The following ROBO2 variants were observed in gnomAD, a reference collection of about 807,000 sequenced individuals.
The protein encoded by ROBO2 is roundabout guidance receptor 2, also known as roundabout homolog 2.
Under a neutral mutation model 160.8 loss-of-function variants are expected in ROBO2, and 53 were observed. The observed-to-expected ratio is 0.33, with a 90% confidence interval of 0.26 to 0.41. The LOEUF (loss-of-function observed/expected upper bound fraction) is 0.41, where lower values mean the gene tolerates loss of function less well. Among genes scored for constraint, ROBO2 ranks in the 10% least tolerant of loss-of-function variants. The pLI is 1.00. For missense variants in ROBO2, 1,577 were observed against 1,722.4 expected, an observed-to-expected ratio of 0.92 and a Z score of 1.49; for synonymous variants, 664 against 611.7, an observed-to-expected ratio of 1.09 and a Z score of -1.26.
intron 4 of ROBO2, 83 bp from the exon 5 acceptor site, chr3:77,493,161 T>A: frequency 6.8e-7 from 1 of 1,474,904 alleles, no homozygotes; most frequent in South Asian, 1.1e-5. Flanking sequence ...GTAAATTAGG[T>A]TTCCTTTGCT....
chr3:76,953,616 C>G (rs1274891662), intron 2 of ROBO2, among the ~76,000 whole-genome samples: 2 of 152,156 alleles, frequency 1.3e-5, no homozygotes, highest in Non-Finnish European at 2.9e-5. Flanking sequence ...CTTTGGAGAT[C>G]ATCTTTGGCA....
At chr3:76,226,507 C>A (rs1704295252) in intron 2 of ROBO2, among the ~76,000 whole-genome samples, 1 of 152,124 alleles carries the variant, frequency 6.6e-6, no homozygotes, top group African/African-American at 2.4e-5. Context: ...GTAAGGAGAA[C>A]TACGTGTTCT....
chr3:75,948,606 C>T (rs1948415575), intron 2 of ROBO2, among the ~76,000 whole-genome samples: 1 of 152,038 alleles, frequency 6.6e-6, no homozygotes, highest in Non-Finnish European at 1.5e-5. Context: ...CTGTAAGAGA[C>T]ATGCTACTCC....
chr3:77,039,635 C>T (rs898238105), upstream of ROBO2, among the ~76,000 whole-genome samples: 2 of 152,100 alleles, frequency 1.3e-5, no homozygotes, highest in African/African-American at 4.8e-5. Context: ...ATTTGTTCAT[C>T]TCCGTCCCCC....
intron 2 of ROBO2, among the ~76,000 whole-genome samples, chr3:76,648,129 G>C (rs1246088022): frequency 6.6e-6 from 1 of 151,508 alleles, no homozygotes; most frequent in East Asian, 1.9e-4. Flanking sequence ...GTACATTGTT[G>C]CTTATTTCTA....
intron 2 of ROBO2, among the ~76,000 whole-genome samples, chr3:76,709,496 C>T (rs1482588646): frequency 1.3e-5 from 2 of 152,086 alleles, no homozygotes; most frequent in African/African-American, 2.4e-5. Context: ...ATCTCACCGG[C>T]CAGAACTGTG....
intron 2 of ROBO2, among the ~76,000 whole-genome samples, chr3:76,325,400 G>C (rs1036962649): frequency 6.6e-6 from 1 of 152,126 alleles, no homozygotes; most frequent in Non-Finnish European, 1.5e-5. Context: ...TAAATAAGTT[G>C]ATAAAAGGAA....
At chr3:77,125,549 T>G (rs7636182) in intron 2 of ROBO2, among the ~76,000 whole-genome samples, 60,131 of 151,958 alleles carry the variant, frequency 0.4, 12,323 homozygotes, top group Middle Eastern at 0.48. Context: ...AAAAGATTGA[T>G]CAGTGAAAGA....
At chr3:76,452,238 A>G (rs2077511698) in intron 2 of ROBO2, among the ~76,000 whole-genome samples, 1 of 152,102 alleles carries the variant, frequency 6.6e-6, no homozygotes, top group Non-Finnish European at 1.5e-5. Flanking sequence ...TAGGTTACTT[A>G]CATATGTATA....
At chr3:76,513,005 C>G (rs1160047779) in intron 2 of ROBO2, among the ~76,000 whole-genome samples, 1 of 152,060 alleles carries the variant, frequency 6.6e-6, no homozygotes, top group Admixed American at 6.6e-5. Flanking sequence ...CCCAGAAATA[C>G]ATAACACAGT....
intron 2 of ROBO2, among the ~76,000 whole-genome samples, chr3:76,644,241 G>A (rs2090851405): frequency 6.6e-6 from 1 of 152,088 alleles, no homozygotes; most frequent in South Asian, 2.1e-4. Flanking sequence ...TGCCATGACT[G>A]AAACTATCCA....
intron 2 of ROBO2, among the ~76,000 whole-genome samples, chr3:76,137,684 G>C (rs749966229): frequency 1.3e-5 from 2 of 151,680 alleles, no homozygotes; most frequent in Non-Finnish European, 2.9e-5. Flanking sequence ...TCTTTCTGGA[G>C]AATATAGGAC....
At chr3:76,959,278 C>T (rs767257520) in intron 2 of ROBO2, among the ~76,000 whole-genome samples, 1 of 152,146 alleles carries the variant, frequency 6.6e-6, no homozygotes, top group Admixed American at 6.5e-5. Context: ...GTTCAAATCG[C>T]CCTTTGTGGA....
intron 2 of ROBO2, among the ~76,000 whole-genome samples, chr3:76,362,798 G>C (rs2075597051): frequency 6.6e-6 from 1 of 151,996 alleles, no homozygotes; most frequent in African/African-American, 2.4e-5. Context: ...TATGTAGCCA[G>C]AGTGAGGAAG....
At chr3:76,493,564 T>G (rs1015532395) in intron 2 of ROBO2, among the ~76,000 whole-genome samples, 1 of 151,930 alleles carries the variant, frequency 6.6e-6, no homozygotes, top group African/African-American at 2.4e-5. Context: ...TATTTTTTCC[T>G]ATATGTTTCC....
intron 2 of ROBO2, among the ~76,000 whole-genome samples, chr3:76,002,639 G>C (rs1043001314): frequency 2.6e-5 from 4 of 152,080 alleles, no homozygotes; most frequent in Non-Finnish European, 5.9e-5. Context: ...CCCAGCACGT[G>C]GAACTGTGAG....
At chr3:77,141,270 A>G (rs1345694477) in intron 2 of ROBO2, among the ~76,000 whole-genome samples, 2 of 151,166 alleles carry the variant, frequency 1.3e-5, no homozygotes, top group East Asian at 3.9e-4. Flanking sequence ...CTAAGATGGG[A>G]TGTACATATA....
At chr3:77,398,197 T>C (rs1331544123) in intron 2 of ROBO2, among the ~76,000 whole-genome samples, 1 of 152,132 alleles carries the variant, frequency 6.6e-6, no homozygotes, top group African/African-American at 2.4e-5. Flanking sequence ...CTAAGTCTTT[T>C]GTAAACTCTT....
chr3:77,072,977 A>G (rs1227198382), intron 1 of ROBO2, among the ~76,000 whole-genome samples: 1 of 152,214 alleles, frequency 6.6e-6, no homozygotes, highest in African/African-American at 2.4e-5. Context: ...AGAAGTCAGA[A>G]AGGAAATTAT....
Sources: gnomAD v4.1 joint callset for allele counts (sites outside exome capture counted in the v4.1 genomes callset) on GRCh38, gnomAD v4.1.1 for gene constraint, MANE v1.5 for transcripts, NCBI Gene and HGNC (gene_info 2026-07-23, HGNC 2026-07-21) for gene names.